DGKQ: variants seen among roughly 807,000 people sequenced by gnomAD.
The protein encoded by DGKQ is DAG kinase theta.
Under a neutral mutation model 104.2 loss-of-function variants are expected in DGKQ, and 97 were observed. The ratio of observed to expected loss-of-function variants is 0.93; its 90% confidence interval spans 0.79 to 1.10. DGKQ has a LOEUF of 1.10. Among genes scored for constraint, DGKQ ranks in the 50% least tolerant of loss-of-function variants. The pLI is 0.00. For synonymous variants in DGKQ, 736 were observed against 595.2 expected (o/e 1.24, Z -3.44); for missense variants, 1,465 against 1,352.1 (o/e 1.08, Z -1.31).
chr4:960,668 C>T lies in DGKQ; in HGVS notation c.2781G>A (p.Arg927=). The T allele has an allele frequency of 6.2e-7, 1 of 1,612,318 alleles. No homozygotes were observed. Among genetic ancestry groups the T allele is most frequent in the Non-Finnish European group, 8.5e-7 (1 of 1,179,820 alleles). Residue 927 remains arginine (R), a synonymous_variant, in exon 23 of 23, where the codon AGG becomes AGA. Coordinates refer to ENST00000273814, the MANE Select transcript of DGKQ (RefSeq NM_001347.4). ...KQKPRRAGTT[R]DARADAAPAP... is the part of the protein sequence containing the mutation. ...CAGGCGCAGCATCCGCCCGGGCATCCCTGGTGGTCCCGGCCCTCCTCGGCT... is the reference window on the plus strand; with the variant it reads ...CAGGCGCAGCATCCGCCCGGGCATCTCTGGTGGTCCCGGCCCTCCTCGGCT...
intron 5 of DGKQ, 32 bp downstream of exon 5, chr4:968,250 C>A: frequency 9.6e-7 from 1 of 1,041,686 alleles, no homozygotes; most frequent in Non-Finnish European, 1.3e-6. Context: ...TCTCCTGCCC[C>A]ACCCCCACCC....
intron 15 of DGKQ, among the ~76,000 whole-genome samples, chr4:963,854 C>T (rs1443305204): frequency 1.3e-5 from 2 of 152,220 alleles, no homozygotes; most frequent in African/African-American, 4.8e-5. Context: ...CTAGACACAG[C>T]GGGCTCAGGG....
Position 965,418 on chromosome 4 carries a change from G to A in DGKQ, c.1618+73C>T, listed in dbSNP as rs1010417321. The A allele has an allele frequency of 8.3e-6, 13 of 1,561,830 alleles. No individual in the cohort carries two copies. In the African/African-American group the frequency reaches 1.6e-4, roughly 20 times the overall value. The stretch of plus-strand genomic sequence containing the variant: ...AGGGAAAGGTCAGGTGCTACGTGAG[G>A]GCCAGGGCTGTCCCACTTCACCCCA... On this transcript the variant is annotated intron_variant, in intron 14 of 22. Coordinates refer to ENST00000273814, the MANE Select transcript of DGKQ (RefSeq NM_001347.4).
chr4:971,029 C>G lies in DGKQ; in HGVS notation c.315G>C (p.Arg105Ser). 1 of 1,556,198 alleles carries G rather than the reference C, an allele frequency of 6.4e-7. No homozygotes were observed. The highest frequency in any genetic ancestry group is 1.2e-5 in the South Asian group (1 of 84,370). Residue 105 changes from arginine to serine, a missense_variant, in exon 2 of 23, where the codon AGG (arginine) becomes AGC (serine). Physicochemically the swap from Arg to Ser is moderately radical, Grantham distance 110. Transcript: ENST00000273814. The surrounding 1 kb of genome is among the most constrained non-coding windows in gnomAD (Gnocchi z 4.0). ...TGGGTGCCACACTCGTGCACGGGATCCTCACGTGCTTCAGGCACTTCTCAT... is the reference window on the plus strand; with the variant it reads ...TGGGTGCCACACTCGTGCACGGGATGCTCACGTGCTTCAGGCACTTCTCAT... ...MSHEKCLKHVRIPCTSVAPSL... is the reference protein window; with the variant it reads ...MSHEKCLKHVSIPCTSVAPSL...
At chr4:962,736 C>T in intron 17 of DGKQ, 36 bp downstream of exon 17, 2 of 1,598,284 alleles carry the variant, frequency 1.3e-6, no homozygotes, top group Non-Finnish European at 8.5e-7. Context: ...GGGGTAGACC[C>T]TGAGGCCCCC....
rs1301613277 is a variant in DGKQ, at chr4:965,968, C to T, written c.1539G>A (p.Glu513=). 8.7e-6 allele frequency: 14 copies of T among 1,605,590 alleles called. No individual in the cohort carries two copies. The highest frequency in any genetic ancestry group is 1.2e-5 in the Non-Finnish European group (14 of 1,176,880). ...VGGLPPGLSP[E]EYSSLLHEAG... ...CCTCATGCAGCAGGCTGCTGTACTCCTCGGGAGACAGGCCGGGAGGCAGGC... is the reference window on the plus strand; with the variant it reads ...CCTCATGCAGCAGGCTGCTGTACTCTTCGGGAGACAGGCCGGGAGGCAGGC... The change falls in exon 13 of 23, where the codon GAG becomes GAA. Residue 513 remains glutamate (E), a synonymous_variant. Transcript: ENST00000273814.
rs117052835 is a variant in DGKQ at position 966,227 on chromosome 4, G to A, written c.1429-149C>T. 464 of 956,898 alleles carry A rather than the reference G, an allele frequency of 4.8e-4. 3 individuals are homozygous for A. The East Asian group carries it at 0.011, about 22-fold the overall frequency. 59.3% of individuals were successfully genotyped at this position (956,898 alleles called of 1,614,324 possible). A position where few individuals can be genotyped will look rare whatever the true frequency, so the allele number is the denominator to read the frequency against. ...CAGGAAAACGAGGAAAGGGGCCACA[G>A]AGGCTTCCTTGCTGTGGACAACCCC... On this transcript the variant is annotated intron_variant, in intron 12 of 22. Transcript: ENST00000273814.
chr4:967,591 G>A lies in DGKQ; in HGVS notation c.945C>T (p.Arg315=), dbSNP rs1712505548. 1 of 1,612,578 alleles carries A rather than the reference G, an allele frequency of 6.2e-7. No homozygotes were observed. The highest frequency in any genetic ancestry group is 8.5e-7 in the Non-Finnish European group (1 of 1,179,888). Residue 315 remains arginine (R), a synonymous_variant, in exon 8 of 23, where the codon CGC becomes CGT. Transcript: ENST00000273814. The part of the protein sequence containing the change: ...GDDAVRRSQF[R]LVTVSRLAGA... ...CGGCCAGGCGGGACACCGTGACGAG[G>A]CGGAACTGGCTTCTTCTCACCGCGT...
Position 968,793 on chromosome 4 carries a change from C to A in DGKQ, c.451+18G>T, listed in dbSNP as rs780217199. The A allele has an allele frequency of 1.3e-6, 2 of 1,599,764 alleles. No homozygotes were observed. Among genetic ancestry groups the A allele is most frequent in the Non-Finnish European group, 1.7e-6 (2 of 1,172,744 alleles). Reference sequence around the variant, plus strand: ...GAGACCAGGACACTGGGTGGGGAGCCAGGCAGGCTCCAGGTACCTTCGCAG... The same window carrying A: ...GAGACCAGGACACTGGGTGGGGAGCAAGGCAGGCTCCAGGTACCTTCGCAG... On this transcript the variant is annotated intron_variant, in intron 3 of 22. Coordinates refer to ENST00000273814, the MANE Select transcript of DGKQ (RefSeq NM_001347.4).
intron 1 of DGKQ, among the ~76,000 whole-genome samples, chr4:972,162 G>A (rs900728493): frequency 6.6e-6 from 1 of 152,122 alleles, no homozygotes; most frequent in South Asian, 2.1e-4. Flanking sequence ...GCCCAGGAGG[G>A]CCCTTTTGCC....
At chr4:972,661 C>T (rs572739716) in intron 1 of DGKQ, among the ~76,000 whole-genome samples, 1 of 152,282 alleles carries the variant, frequency 6.6e-6, no homozygotes, top group Admixed American at 6.5e-5. Context: ...CCGGGGCCCG[C>T]CTGCTTGCCG....
At chr4:967,492 G>A (rs952819533) in intron 8 of DGKQ, 57 bp downstream of exon 8, 2 of 1,565,160 alleles carry the variant, frequency 1.3e-6, no homozygotes, top group East Asian at 2.3e-5. Context: ...GGTGCGCCAG[G>A]TGCGGGGACA....
chr4:961,075 T>C lies in DGKQ; in HGVS notation c.2701A>G (p.Met901Val), dbSNP rs2153007574. The part of the protein sequence containing the change: ...GEPWVQAPGH[M>V]IISAAGPKVH... ...TTAGGGCCAGCAGCTGAGATGATCA[T>C]GTGCCCCGGGGCCTGGACCCAGGGC... Residue 901 changes from methionine (M) to valine (V), a missense_variant, in exon 22 of 23, where the codon ATG (methionine) becomes GTG (valine). Physicochemically the swap from Met to Val is conservative, Grantham distance 21. Coordinates refer to ENST00000273814, the MANE Select transcript of DGKQ (RefSeq NM_001347.4). The C allele has an allele frequency of 1.9e-6, 3 of 1,612,252 alleles. No individual in the cohort carries two copies. The highest frequency in any genetic ancestry group is 2.2e-5 in the East Asian group (1 of 44,818).
In DGKQ at chr4:973,309, C is replaced by T. The variant is rs747671783; in HGVS notation, c.174G>A (p.Ala58=). 10 of 1,488,630 alleles carry T rather than the reference C, an allele frequency of 6.7e-6. No homozygotes were observed. The highest frequency in any genetic ancestry group is 6.0e-5 in the East Asian group (2 of 33,512). 92.2% of individuals were successfully genotyped at this position (1,488,630 alleles called of 1,614,324 possible). ...AGVRAPGPAA[A]PGHSFRKVTL... ...TCACCTTCCGGAAGCTGTGTCCCGG[C>T]GCGGCAGCGGGGCCCGGGGCTCTGA... Residue 58 remains alanine, a synonymous_variant, in exon 1 of 23, where the codon GCG becomes GCA. Transcript: ENST00000273814.
Position 963,269 on chromosome 4 carries a change from T to A in DGKQ, c.1756A>T (p.Ser586Cys). ...DLLHAKLPPD[S>C]CPLLVFVNPK... is the part of the protein sequence containing the mutation. ...TTCACGAACACAAGGAGGGGACAGC[T>A]GTCTGGGGGCAGCTTCGCGTGCTGA... Residue 586 changes from serine (S) to cysteine (C), a missense_variant, in exon 16 of 23, where the codon AGC (serine) becomes TGC (cysteine). Ser to Cys is a moderately radical substitution (Grantham distance 112, BLOSUM62 -1). Transcript: ENST00000273814. 6.2e-7 allele frequency: 1 copy of A among 1,606,310 alleles called. No individual in the cohort carries two copies. Among genetic ancestry groups the A allele is most frequent in the Non-Finnish European group, 8.5e-7 (1 of 1,174,616 alleles).
At chr4:972,872 GC>G (rs1560522966) in intron 1 of DGKQ, among the ~76,000 whole-genome samples, 1 of 152,248 alleles carries the variant, frequency 6.6e-6, no homozygotes, top group East Asian at 1.9e-4. Context: ...GCCCAGGCCA[GC>G]CCTGCTTAGC....
At chr4:966,825 C>G (rs142726157) in intron 10 of DGKQ, 23 bp from the exon 11 acceptor site, 2 of 1,602,810 alleles carry the variant, frequency 1.2e-6, no homozygotes, top group Admixed American at 1.7e-5. Flanking sequence ...AGCTTGGCAT[C>G]GGGTCTGGGC....
Position 962,399 on chromosome 4 carries a change from A to G in DGKQ, c.2214+36T>C, listed in dbSNP as rs1266665915. On this transcript the variant is annotated intron_variant, in intron 18 of 22. Transcript: ENST00000273814. ...CGCGTGTAGCGGGGTCATATGCAGG[A>G]GCCTGGAAGGCACCCCACGCCGGGC... The G allele has an allele frequency of 2.0e-6, 3 of 1,523,364 alleles. No individual in the cohort carries two copies. In the African/African-American group the frequency reaches 4.1e-5, roughly 21 times the overall value. 94.4% of individuals were successfully genotyped at this position (1,523,364 alleles called of 1,614,324 possible). A position where few individuals can be genotyped will look rare whatever the true frequency, so the allele number is the denominator to read the frequency against.
chr4:966,971 C>A lies in DGKQ; in HGVS notation c.1304G>T (p.Gly435Val). Residue 435 changes from glycine (G) to valine (V), a missense_variant, in exon 10 of 23, where the codon GGC (glycine) becomes GTC (valine). Gly to Val is a moderately radical substitution (Grantham distance 109). Transcript: ENST00000273814. ...CAGGCACAGGGTACGCACCTGGCGG[C>A]CGAGCAGCGGCAGGACCTCCAGCAC... is the stretch of plus-strand genomic sequence containing the variant. ...SVVLEVLPLL[G>V]RQAESPESFQ... 6 of 1,562,398 alleles carry A rather than the reference C, an allele frequency of 3.8e-6. No individual in the cohort carries two copies. Among genetic ancestry groups the A allele is most frequent in the Non-Finnish European group, 5.2e-6 (6 of 1,156,264 alleles).
Sources: allele counts gnomAD v4.1 joint callset (sites outside exome capture counted in the v4.1 genomes callset), GRCh38; gene constraint gnomAD v4.1.1; non-coding constraint Gnocchi (gnomAD v3.1); transcripts MANE v1.5; gene names NCBI Gene and HGNC (gene_info 2026-07-23, HGNC 2026-07-21).